Variants in FRY observed in about 807,000 individuals in gnomAD.
FRY encodes FRY microtubule binding protein, also known as protein furry homolog.
A neutral mutation model predicts 348.4 loss-of-function variants in FRY; 128 were observed. The observed-to-expected ratio is 0.37, with a 90% CI of 0.32 to 0.43. The LOEUF (loss-of-function observed/expected upper bound fraction) is 0.43. FRY is among the 20% of genes least tolerant of loss of function. The pLI is 1.00. For synonymous variants in FRY, 1,370 were observed against 1,374.7 expected (o/e 1.00, Z 0.08); for missense variants, 2,736 against 3,695.2 (o/e 0.74, Z 6.73).
At chr13:32,141,754 T>C (rs1327290396) in intron 11 of FRY, among the ~76,000 whole-genome samples, 1 of 152,180 alleles carries the variant, frequency 6.6e-6, no homozygotes, top group Non-Finnish European at 1.5e-5. Context: ...TCCCATTAAC[T>C]CTGAATTGTT....
At chr13:32,294,304 C>A in intron 59 of FRY, 64 bp from the exon 60 acceptor site, 1 of 1,141,374 alleles carries the variant, frequency 8.8e-7, no homozygotes, top group African/African-American at 1.6e-5. Flanking sequence ...TTTTTTTTTC[C>A]TTTTGGGATG....
intron 19 of FRY, 96 bp downstream of exon 19, chr13:32,173,645 C>A: frequency 1.1e-6 from 1 of 914,090 alleles, no homozygotes; most frequent in Non-Finnish European, 1.8e-6. Flanking sequence ...ATTTCAGGTA[C>A]TTTTATGTTA....
intron 1 of FRY, among the ~76,000 whole-genome samples, chr13:32,060,529 A>C (rs1873880430): frequency 6.6e-6 from 1 of 152,190 alleles, no homozygotes; most frequent in South Asian, 2.1e-4. Flanking sequence ...TTTGTCTGTA[A>C]GCATGTAAGC....
Position 32,135,077 on chromosome 13 carries a change from T to C in FRY, c.979-8T>C, listed in dbSNP as rs776160698. ...TTAATATAATATTCACATGCATCTC[T>C]ATTTCAGGCTGTTAAAAATGAAGTA... On this transcript the variant is annotated splice_polypyrimidine_tract_variant and splice_region_variant and intron_variant, in intron 9 of 60. Coordinates refer to ENST00000542859, the MANE Select transcript of FRY (RefSeq NM_023037.3). 1 of 1,588,210 alleles carries C rather than the reference T, an allele frequency of 6.3e-7. No homozygotes were observed. The highest frequency in any genetic ancestry group is 8.6e-7 in the Non-Finnish European group (1 of 1,156,436).
chr13:32,136,725 A>G, intron 10 of FRY, 146 bp from the exon 11 acceptor site: 1 of 720,534 alleles, frequency 1.4e-6, no homozygotes. Context: ...CCCTGCATCC[A>G]CTGGGCACTG....
chr13:32,282,796 G>A (rs754449976), intron 58 of FRY, among the ~76,000 whole-genome samples: 1 of 152,200 alleles, frequency 6.6e-6, no homozygotes, highest in Non-Finnish European at 1.5e-5. Context: ...TCACAGACAT[G>A]TTGTGTTAAG....
chr13:32,064,984 A>G (rs181175900), intron 1 of FRY, among the ~76,000 whole-genome samples: 170 of 152,346 alleles, frequency 1.1e-3, no homozygotes, highest in Non-Finnish European at 2.1e-3. Flanking sequence ...ACTCAGGCCA[A>G]CATTCAGTTA....
intron 1 of FRY, among the ~76,000 whole-genome samples, chr13:32,047,025 T>TA (rs1873051502): frequency 6.6e-6 from 1 of 152,188 alleles, no homozygotes; most frequent in Non-Finnish European, 1.5e-5. Context: ...ACCTGATGTG[T>TA]ATGAGCTGTA....
At position 32,190,185 on chromosome 13, in the gene FRY, T is replaced by C. The variant is rs188015650; in HGVS notation, c.3591+2529T>C. On this transcript the variant is annotated intron_variant, in intron 28 of 60. Transcript: ENST00000542859. The stretch of plus-strand genomic sequence containing the variant: ...AGGCACCTTGAAAAAAAAAACACCC[T>C]ATGAGCACCATATTTAATATAAAAT... Among the ~76,000 whole-genome samples the C allele has an allele frequency of 6.5e-3, 979 of 151,520 alleles. 11 individuals are homozygous for C. Among genetic ancestry groups the C allele is most frequent in the African/African-American group, 0.023 (941 of 41,398 alleles).
At chr13:32,072,815 A>T (rs1350882492) in intron 1 of FRY, among the ~76,000 whole-genome samples, 2 of 152,250 alleles carry the variant, frequency 1.3e-5, no homozygotes, top group Non-Finnish European at 2.9e-5. Context: ...TTGCCTTCAG[A>T]ACCTGAAAAA....
In FRY at chr13:32,218,812, A is replaced by T. The variant is rs1246779980; in HGVS notation, c.4746A>T (p.Gly1582=). 1.2e-6 allele frequency: 2 copies of T among 1,601,052 alleles called. No individual in the cohort carries two copies. The highest frequency in any genetic ancestry group is 2.7e-5 in the African/African-American group (2 of 74,632). Residue 1582 remains glycine (G), a synonymous_variant, in exon 36 of 61, where the codon GGA becomes GGT. Coordinates refer to ENST00000542859, the MANE Select transcript of FRY (RefSeq NM_023037.3). Reference sequence around the variant, plus strand: ...CAAGATACAGCAATAGCTCTGGAGGATCCTACGATGAAGATAAAAGTAAGT... The same window carrying T: ...CAAGATACAGCAATAGCTCTGGAGGTTCCTACGATGAAGATAAAAGTAAGT... The part of the protein sequence containing the change: ...LESRYSNSSG[G]SYDEDKNDPI...
At position 32,136,987 on chromosome 13, in the gene FRY, G is replaced by T; in HGVS notation, c.1179+15G>T. 7.3e-7 allele frequency: 1 copy of T among 1,377,632 alleles called. No individual in the cohort carries two copies. Among genetic ancestry groups the T allele is most frequent in the Admixed American group, 1.7e-5 (1 of 59,750 alleles). 85.3% of individuals were successfully genotyped at this position (1,377,632 alleles called of 1,614,324 possible). A position where few individuals can be genotyped will look rare whatever the true frequency, so the allele number is the denominator to read the frequency against. The stretch of plus-strand genomic sequence containing the variant: ...CCAACCTTAAAGTTAGTATTTGTCA[G>T]CTCAAAAACGATCTCTTTAAAAAAT... On this transcript the variant is annotated intron_variant, in intron 11 of 60. Coordinates refer to ENST00000542859, the MANE Select transcript of FRY (RefSeq NM_023037.3).
At chr13:32,184,576 G>A (rs1882908239) in intron 24 of FRY, 24 bp from the exon 25 acceptor site, 2 of 1,452,982 alleles carry the variant, frequency 1.4e-6, no homozygotes, top group Non-Finnish European at 1.9e-6. Flanking sequence ...GTGTCTGTAA[G>A]TGATACTACC....
chr13:32,294,747 G>A (rs1889549856), intron 60 of FRY, among the ~76,000 whole-genome samples, 177 bp downstream of exon 60: 1 of 152,222 alleles, frequency 6.6e-6, no homozygotes, highest in African/African-American at 2.4e-5. Context: ...TATTGAAAGT[G>A]TTGGTGTTGG....
intron 2 of FRY, among the ~76,000 whole-genome samples, chr13:32,084,612 C>T (rs967127630): frequency 6.6e-6 from 1 of 152,216 alleles, no homozygotes; most frequent in Non-Finnish European, 1.5e-5. Flanking sequence ...ATCTAAGCTA[C>T]TGTATCATTC....
At chr13:32,114,723 G>C (rs575886954) in intron 3 of FRY, among the ~76,000 whole-genome samples, 1 of 152,326 alleles carries the variant, frequency 6.6e-6, no homozygotes, top group East Asian at 1.9e-4. Flanking sequence ...TTCAATGGGA[G>C]GAATGTCCTT....
chr13:32,274,628 T>C (rs565867440), intron 55 of FRY, among the ~76,000 whole-genome samples: 359 of 132,866 alleles, frequency 2.7e-3, no homozygotes, highest in Non-Finnish European at 3.8e-3. Flanking sequence ...GGCGTGAACC[T>C]GGGAGGGGGA....
chr13:32,164,818 T>G (rs1031790421), intron 17 of FRY, among the ~76,000 whole-genome samples: 1 of 152,188 alleles, frequency 6.6e-6, no homozygotes, highest in African/African-American at 2.4e-5. Flanking sequence ...TTTTCTCTCG[T>G]TCTCCTCTCC....
At chr13:32,065,021 A>G (rs766343935) in intron 1 of FRY, among the ~76,000 whole-genome samples, 1 of 152,226 alleles carries the variant, frequency 6.6e-6, no homozygotes, top group Non-Finnish European at 1.5e-5. Flanking sequence ...ACTCAAACCT[A>G]TGTGATTGAA....
Sources: allele counts gnomAD v4.1 joint callset (sites outside exome capture counted in the v4.1 genomes callset), GRCh38; gene constraint gnomAD v4.1.1; transcripts MANE v1.5; gene names NCBI Gene and HGNC (gene_info 2026-07-23, HGNC 2026-07-21).